Variants in PSMG2 observed in about 807,000 individuals in gnomAD.
The protein encoded by PSMG2 is CD40 ligand-activated specific transcript 3.
PSMG2 carries 21 observed loss-of-function variants against 31.5 expected under a neutral mutation model. That is an observed-to-expected ratio of 0.67 (90% CI 0.47 to 0.96). The LOEUF (loss-of-function observed/expected upper bound fraction) is 0.96. Ranked by LOEUF, PSMG2 falls within the 40% of genes least tolerant of loss-of-function variation. The pLI is 0.00. For missense variants in PSMG2, 318 were observed against 321.2 expected (o/e 0.99, Z 0.08); for synonymous variants, 120 against 110.4 (o/e 1.09, Z -0.54).
In PSMG2 at chr18:12,725,444, T is replaced by C; in HGVS notation, c.708T>C (p.Asp236=). ...EWLQILKPLS[D]DPTVSASRWK... ...ATTTTGTTCTTCAATTACAGAGCGA[T>C]GACCCCACAGTATCTGCCTCACGGT... The change falls in exon 7 of 7, where the codon GAT becomes GAC. Residue 236 remains aspartate, a synonymous_variant. Transcript: ENST00000317615. 1 of 1,584,476 alleles carries C rather than the reference T, an allele frequency of 6.3e-7. No homozygotes were observed. The highest frequency in any genetic ancestry group is 8.7e-7 in the Non-Finnish European group (1 of 1,155,018).
intron 1 of PSMG2, among the ~76,000 whole-genome samples, chr18:12,664,170 GAA>G (rs1020884864): frequency 7.9e-6 from 1 of 127,190 alleles, no homozygotes; most frequent in Non-Finnish European, 1.8e-5. Context: ...CATCTCAAAA[GAA>G]AAAAGAGTCC....
At chr18:12,706,833 T>C in intron 2 of PSMG2, 112 bp downstream of exon 2, 1 of 1,113,288 alleles carries the variant, frequency 9.0e-7, no homozygotes, top group Admixed American at 2.9e-5. Context: ...GTGCCAACTT[T>C]GTGTAGAGTT....
chr18:12,693,172 G>C (rs2039828928), intron 1 of PSMG2, among the ~76,000 whole-genome samples: 1 of 152,052 alleles, frequency 6.6e-6, no homozygotes, highest in East Asian at 1.9e-4. Flanking sequence ...TTATTTATCA[G>C]ATAATAGAAT....
intron 1 of PSMG2, among the ~76,000 whole-genome samples, chr18:12,672,255 C>T (rs2038967886): frequency 6.6e-6 from 1 of 151,784 alleles, no homozygotes; most frequent in Admixed American, 6.6e-5. Flanking sequence ...GCTGGGATTA[C>T]AGGTGTGAGC....
At chr18:12,691,709 ATT>A (rs537984227) in intron 1 of PSMG2, among the ~76,000 whole-genome samples, 14 of 140,250 alleles carry the variant, frequency 1.0e-4, no homozygotes, top group Admixed American at 2.2e-4. Context: ...CAAAGACAGA[ATT>A]TTTTTTTTTT....
At chr18:12,709,335 C>T (rs1035446467) in intron 2 of PSMG2, among the ~76,000 whole-genome samples, 6 of 150,960 alleles carry the variant, frequency 4.0e-5, no homozygotes, top group African/African-American at 1.2e-4. Context: ...TGAGCCACCG[C>T]GCCCGATTTG....
Position 12,712,652 on chromosome 18 carries a change from C to T in PSMG2, c.230-50C>T, listed in dbSNP as rs764227465. On this transcript the variant is annotated intron_variant, in intron 2 of 6. Transcript: ENST00000317615. Reference sequence around the variant, plus strand: ...TTTTTGTTTATCATAATAATTTCAACTTGTATAACTTCACTGTCATATGAT... The same window carrying T: ...TTTTTGTTTATCATAATAATTTCAATTTGTATAACTTCACTGTCATATGAT... 19 of 1,343,222 alleles carry T rather than the reference C, an allele frequency of 1.4e-5. No homozygotes were observed. In the East Asian group the frequency reaches 4.2e-4, roughly 29 times the overall value. 83.2% of individuals were successfully genotyped at this position (1,343,222 alleles called of 1,614,324 possible). A position where few individuals can be genotyped will look rare whatever the true frequency, so the allele number is the denominator to read the frequency against.
chr18:12,702,915 G>A, upstream of PSMG2: 1 of 618,736 alleles, frequency 1.6e-6, no homozygotes, highest in Non-Finnish European at 2.7e-6. Context: ...GCCCCTCTTC[G>A]CGGCCACCCG....
intron 1 of PSMG2, among the ~76,000 whole-genome samples, chr18:12,694,746 C>G (rs2039888727): frequency 6.7e-6 from 1 of 149,200 alleles, no homozygotes; most frequent in Non-Finnish European, 1.5e-5. Flanking sequence ...GAGTCTTGCT[C>G]TGTTGCCCAG....
At chr18:12,678,529 C>G (rs2039226384) in intron 1 of PSMG2, 1 of 822,642 alleles carries the variant, frequency 1.2e-6, no homozygotes. Context: ...ACACTTAAGG[C>G]CATAACTACT....
intron 3 of PSMG2, among the ~76,000 whole-genome samples, chr18:12,715,420 T>A (rs1030663121): frequency 3.3e-5 from 5 of 152,216 alleles, no homozygotes; most frequent in African/African-American, 1.2e-4. Flanking sequence ...GCTAAGGGAT[T>A]TTTTGGAATG....
At chr18:12,719,534 C>A (rs1057412442) in intron 4 of PSMG2, among the ~76,000 whole-genome samples, 27 of 151,206 alleles carry the variant, frequency 1.8e-4, no homozygotes, top group South Asian at 4.2e-4. Flanking sequence ...ATTACAGGTA[C>A]CTGCCGCCAC....
At position 12,718,500 on chromosome 18, in the gene PSMG2, C is replaced by T; in HGVS notation, c.289-17C>T. 1 of 1,523,826 alleles carries T rather than the reference C, an allele frequency of 6.6e-7. No individual in the cohort carries two copies. Among genetic ancestry groups the T allele is most frequent in the Non-Finnish European group, 9.0e-7 (1 of 1,111,116 alleles). The allele number at this position is 1,523,826 out of a possible 1,614,324, so 94.4% of individuals were successfully genotyped here. A position where few individuals can be genotyped will look rare whatever the true frequency, so the allele number is the denominator to read the frequency against. ...AACTTTTAGATTTTCTTTTTATTCT[C>T]TCAATGGTGTGCAAAGTATAAATCA... is the stretch of plus-strand genomic sequence containing the variant. On this transcript the variant is annotated splice_polypyrimidine_tract_variant and intron_variant, in intron 3 of 6. Transcript: ENST00000317615.
At chr18:12,691,025 A>AGCAAATACACATTCCAAGTT (rs1182278757) in intron 1 of PSMG2, among the ~76,000 whole-genome samples, 1 of 152,080 alleles carries the variant, frequency 6.6e-6, no homozygotes, top group Non-Finnish European at 1.5e-5. Flanking sequence ...CTAAGTATCA[A>AGCAAATACACATTCCAAGTT]GCAAATACAC....
At chr18:12,691,580 A>G in intron 1 of PSMG2, 1 of 891,458 alleles carries the variant, frequency 1.1e-6, no homozygotes, top group Non-Finnish European at 1.7e-6. Context: ...CTACATCATT[A>G]CCACCCTAAT....
intron 1 of PSMG2, among the ~76,000 whole-genome samples, chr18:12,664,721 CGGGGT>C: frequency 7.0e-6 from 1 of 143,326 alleles, no homozygotes; most frequent in Non-Finnish European, 1.5e-5. Flanking sequence ...TTTTTTAAGA[CGGGGT>C]CTTGCTCTGT....
At chr18:12,663,637 T>C (rs554952686) in intron 1 of PSMG2, among the ~76,000 whole-genome samples, 1 of 152,338 alleles carries the variant, frequency 6.6e-6, no homozygotes, top group Non-Finnish European at 1.5e-5. Flanking sequence ...AAATGGAGAA[T>C]TATCAATAAA....
At chr18:12,663,834 A>G (rs1051357808) in intron 1 of PSMG2, among the ~76,000 whole-genome samples, 7 of 152,188 alleles carry the variant, frequency 4.6e-5, no homozygotes, top group Non-Finnish European at 1.0e-4. Flanking sequence ...CAGTGGTGCG[A>G]TCATAGCTCA....
At position 12,720,526 on chromosome 18, in the gene PSMG2, C is replaced by G. The variant is rs1218417318; in HGVS notation, c.424C>G (p.Leu142Val). 1.2e-6 allele frequency: 2 copies of G among 1,602,860 alleles called. No individual in the cohort carries two copies. Among genetic ancestry groups the G allele is most frequent in the Non-Finnish European group, 1.7e-6 (2 of 1,175,952 alleles). ...LQLRSTPFRY[L>V]LTPSMQKSVQ... ...TATTTCTAGTACTCCCTTCCGGTAC[C>G]TACTTACACCTTCCATGCAAAAAAG... Residue 142 changes from leucine (L) to valine (V), a missense_variant, in exon 5 of 7, where the codon CTA becomes GTA. Leu to Val is a conservative substitution (Grantham distance 32). Coordinates refer to ENST00000317615, the MANE Select transcript of PSMG2 (RefSeq NM_020232.5).
Sources: allele counts gnomAD v4.1 joint callset (sites outside exome capture counted in the v4.1 genomes callset), GRCh38; gene constraint gnomAD v4.1.1; transcripts MANE v1.5; gene names NCBI Gene and HGNC (gene_info 2026-07-23, HGNC 2026-07-21).